Variants in PCDHGA11 observed in about 807,000 individuals in gnomAD.
PCDHGA11 encodes protocadherin gamma-A11.
A neutral mutation model predicts 60.4 loss-of-function variants in PCDHGA11; 39 were observed. The ratio of observed to expected loss-of-function variants is 0.65; its 90% CI spans 0.50 to 0.84. PCDHGA11 has a LOEUF of 0.84. PCDHGA11 is among the 40% of genes least tolerant of loss of function. PCDHGA11 has a pLI of 0.00. For synonymous variants in PCDHGA11, 533 were observed against 510.3 expected (o/e 1.04, Z -0.60); for missense variants, 1,165 against 1,197.7 (o/e 0.97, Z 0.40).
rs374663576 is a variant in PCDHGA11 at position 141,489,905 on chromosome 5, G to A, written c.2434-4902G>A. The A allele has an allele frequency of 2.8e-4, 459 of 1,614,108 alleles. No homozygotes were observed. Among genetic ancestry groups the A allele is most frequent in the Non-Finnish European group, 3.4e-4 (405 of 1,180,054 alleles). On this transcript the variant is annotated intron_variant, in intron 1 of 3. Coordinates refer to ENST00000398587, the MANE Select transcript of PCDHGA11 (RefSeq NM_018914.3). The surrounding 1 kb of genome is among the most constrained non-coding windows in gnomAD (Gnocchi z 4.5). ...GCTGTGGATGGGGGGACCCCAGCCC[G>A]CTCAGGGACCACCCTTATCTCTGTC...
chr5:141,480,371 C>T (rs1562080299), intron 1 of PCDHGA11, among the ~76,000 whole-genome samples: 1 of 151,908 alleles, frequency 6.6e-6, no homozygotes, highest in African/African-American at 2.4e-5. Flanking sequence ...GCTGTGATTG[C>T]ACCACTACAC....
intron 3 of PCDHGA11, among the ~76,000 whole-genome samples, chr5:141,509,686 G>A (rs1350812680): frequency 6.6e-6 from 1 of 152,212 alleles, no homozygotes; most frequent in Non-Finnish European, 1.5e-5. Flanking sequence ...CTTCTGTACA[G>A]TGGGACGTTG....
At chr5:141,440,631 A>C (rs1036203175) in intron 1 of PCDHGA11, 2 of 152,224 alleles carry the variant, frequency 1.3e-5, no homozygotes, top group African/African-American at 4.8e-5. Flanking sequence ...ATGTTGAGAG[A>C]AATTCCTTAC....
intron 1 of PCDHGA11, among the ~76,000 whole-genome samples, chr5:141,444,735 C>A (rs924159168): frequency 1.3e-5 from 2 of 152,116 alleles, no homozygotes; most frequent in Admixed American, 1.3e-4. Context: ...TGTTGAAAGT[C>A]ATTTCACTGA....
chr5:141,433,174 G>A (rs1298757358), intron 1 of PCDHGA11: 1 of 1,610,308 alleles, frequency 6.2e-7, no homozygotes, highest in Non-Finnish European at 8.5e-7. Context: ...ACAGTCATGG[G>A]TTAATTGAGG....
intron 1 of PCDHGA11, among the ~76,000 whole-genome samples, chr5:141,483,276 TA>T (rs755290434): frequency 2.2e-4 from 33 of 152,238 alleles, no homozygotes; most frequent in Non-Finnish European, 3.8e-4. Context: ...TTAGAAATAT[TA>T]TTCTGTCAGT....
chr5:141,453,870 C>A (rs932804656), intron 1 of PCDHGA11, among the ~76,000 whole-genome samples: 2 of 152,146 alleles, frequency 1.3e-5, no homozygotes, highest in African/African-American at 4.8e-5. Context: ...AACAGATGAG[C>A]AAAATAATGT....
chr5:141,427,161 G>A (rs1561826750), intron 1 of PCDHGA11: 1 of 456,698 alleles, frequency 2.2e-6, no homozygotes, highest in Non-Finnish European at 4.4e-6. Flanking sequence ...GTTTGTGCTA[G>A]ACCATCAAAA....
In PCDHGA11 at chr5:141,422,435, A is replaced by G. The variant is rs199795822; in HGVS notation, c.1208A>G (p.Tyr403Cys). 7.8e-4 allele frequency: 1,254 copies of G among 1,609,700 alleles called. 7 individuals are homozygous for G. The highest frequency in any genetic ancestry group is 2.1e-3 in the South Asian group (193 of 90,090). ...FKLEKTYGNY[Y>C]KLITSRVLDR... Reference sequence around the variant, plus strand: ...TTAGAAAAGACTTATGGAAATTATTACAAATTGATAACAAGCAGAGTGCTG... The same window carrying G: ...TTAGAAAAGACTTATGGAAATTATTGCAAATTGATAACAAGCAGAGTGCTG... Residue 403 changes from tyrosine to cysteine, a missense_variant, in exon 1 of 4, where the codon TAC (tyrosine) becomes TGC (cysteine). By Grantham distance (194) the Tyr-to-Cys change is radical (BLOSUM62 -2). Transcript: ENST00000398587.
chr5:141,472,542 G>GA (rs904556404), intron 1 of PCDHGA11, among the ~76,000 whole-genome samples: 21 of 147,124 alleles, frequency 1.4e-4, no homozygotes, highest in Admixed American at 7.4e-4. Flanking sequence ...ACCATCTCAA[G>GA]AAAAAAAAAA....
Position 141,487,500 on chromosome 5 carries a change from C to G in PCDHGA11, c.2434-7307C>G. 6.2e-7 allele frequency: 1 copy of G among 1,614,178 alleles called. No individual in the cohort carries two copies. Among genetic ancestry groups the G allele is most frequent in the East Asian group, 2.2e-5 (1 of 44,862 alleles). Reference sequence around the variant, plus strand: ...CACTCTCATGGCTGTACACCCTTGGCTTCTGCACCCACTCGGAGTGATAGC... The same window carrying G: ...CACTCTCATGGCTGTACACCCTTGGGTTCTGCACCCACTCGGAGTGATAGC... On this transcript the variant is annotated intron_variant, in intron 1 of 3. Coordinates refer to ENST00000398587, the MANE Select transcript of PCDHGA11 (RefSeq NM_018914.3). The surrounding 1 kb of genome is among the most constrained non-coding windows in gnomAD (Gnocchi z 5.0).
intron 1 of PCDHGA11, among the ~76,000 whole-genome samples, chr5:141,460,369 T>C (rs1048970945): frequency 2.1e-4 from 32 of 152,322 alleles, no homozygotes; most frequent in African/African-American, 7.7e-4. Flanking sequence ...AGTTTTATAG[T>C]TTTACCATTT....
At position 141,431,869 on chromosome 5, in the gene PCDHGA11, T is replaced by C. The variant is rs140856757; in HGVS notation, c.2433+8209T>C. ...GAGGGACATTAATTGCCCTTTTAAA[T>C]GTAAATGACCAAGATTCTGAGGAAA... is the stretch of plus-strand genomic sequence containing the variant. On this transcript the variant is annotated intron_variant, in intron 1 of 3. Transcript: ENST00000398587. The surrounding 1 kb of genome is among the most constrained non-coding windows in gnomAD (Gnocchi z 4.8). 8.5e-4 allele frequency: 1,376 copies of C among 1,614,252 alleles called. 2 individuals carry two copies. Among genetic ancestry groups the C allele is most frequent in the Non-Finnish European group, 1.1e-3 (1,291 of 1,180,028 alleles).
In PCDHGA11 at chr5:141,421,926, C is replaced by A; in HGVS notation, c.699C>A (p.Val233=). The stretch of plus-strand genomic sequence containing the variant: ...GCGCAGTTCCCATTCGTGTGGTGGT[C>A]CTCGATGTAAATGATCACATCCCAA... The part of the protein sequence containing the change: ...RKGAVPIRVV[V]LDVNDHIPMF... The change falls in exon 1 of 4, where the codon GTC becomes GTA. Residue 233 remains valine, a synonymous_variant. Transcript: ENST00000398587. 6.2e-7 allele frequency: 1 copy of A among 1,613,460 alleles called. No individual in the cohort carries two copies. Among genetic ancestry groups the A allele is most frequent in the Non-Finnish European group, 8.5e-7 (1 of 1,179,750 alleles).
intron 3 of PCDHGA11, among the ~76,000 whole-genome samples, chr5:141,506,349 T>A (rs894933059): frequency 8.0e-5 from 12 of 150,304 alleles, no homozygotes; most frequent in Admixed American, 2.7e-4. Context: ...CTTGGGAGGC[T>A]GAGGCAGGAG....
At position 141,432,587 on chromosome 5, in the gene PCDHGA11, A is replaced by G. The variant is rs1344597432; in HGVS notation, c.2433+8927A>G. 5 of 1,613,132 alleles carry G rather than the reference A, an allele frequency of 3.1e-6. No homozygotes were observed. In the East Asian group the frequency reaches 8.9e-5, roughly 29 times the overall value. ...CGCCTGGCTGTCCTACCGTCTGCTC[A>G]AGGCCAGCGAGCCGGGACTCTTCTC... On this transcript the variant is annotated intron_variant, in intron 1 of 3. Transcript: ENST00000398587. This position sits in a 1 kb window ranked among gnomAD's most constrained non-coding sequence, Gnocchi z 6.0.
chr5:141,473,262 G>T (rs905961411), intron 1 of PCDHGA11, among the ~76,000 whole-genome samples: 2 of 152,188 alleles, frequency 1.3e-5, no homozygotes, highest in Admixed American at 6.5e-5. Flanking sequence ...AGTCCTTAGT[G>T]TATGCTATGA....
chr5:141,457,809 C>A (rs1404645915), intron 1 of PCDHGA11, among the ~76,000 whole-genome samples: 1 of 152,180 alleles, frequency 6.6e-6, no homozygotes, highest in Non-Finnish European at 1.5e-5. Flanking sequence ...CTCTTGAGGT[C>A]CCAAGATAAA....
chr5:141,455,495 G>C (rs2098824459), intron 1 of PCDHGA11, among the ~76,000 whole-genome samples: 1 of 152,204 alleles, frequency 6.6e-6, no homozygotes, highest in East Asian at 1.9e-4. Flanking sequence ...GGTGATGTCT[G>C]ATTTGCATAG....
Sources: gnomAD v4.1 joint callset for allele counts (sites outside exome capture counted in the v4.1 genomes callset) on GRCh38, gnomAD v4.1.1 for gene constraint, Gnocchi (gnomAD v3.1) non-coding constraint, MANE v1.5 for transcripts, NCBI Gene and HGNC (gene_info 2026-07-23, HGNC 2026-07-21) for gene names.